NUMA1: variants seen among roughly 807,000 people sequenced by gnomAD.
NUMA1 encodes nuclear mitotic apparatus protein 1.
NUMA1 carries 62 observed loss-of-function variants against 237.1 expected under a neutral mutation model. The ratio of observed to expected loss-of-function variants is 0.26; its 90% CI spans 0.21 to 0.32. The LOEUF is 0.32. NUMA1 is among the 10% of genes least tolerant of loss of function. The pLI is 1.00. For synonymous variants in NUMA1, 1,028 were observed against 1,066.1 expected (o/e 0.96, Z 0.70); for missense variants, 2,533 against 2,666.5 (o/e 0.95, Z 1.10).
chr11:72,010,952 C>A, intron 16 of NUMA1, 98 bp from the exon 17 acceptor site: 1 of 1,051,876 alleles, frequency 9.5e-7, no homozygotes, highest in South Asian at 1.3e-5. Context: ...ACCAGGATCC[C>A]CAGTGTTCCT....
chr11:72,061,695 T>C (rs866201329), intron 2 of NUMA1, among the ~76,000 whole-genome samples: 2 of 152,154 alleles, frequency 1.3e-5, no homozygotes, highest in Middle Eastern at 6.8e-3. Flanking sequence ...CTTGTCATGT[T>C]GCCTAAGCTC....
intron 16 of NUMA1, 61 bp downstream of exon 16, chr11:72,012,340 C>T: frequency 1.3e-6 from 2 of 1,530,186 alleles, no homozygotes; most frequent in Non-Finnish European, 1.8e-6. Context: ...CAGCCGGGCT[C>T]ATGCACCAAG....
intron 2 of NUMA1, among the ~76,000 whole-genome samples, chr11:72,051,139 T>C (rs904894628): frequency 6.6e-6 from 1 of 152,198 alleles, no homozygotes; most frequent in African/African-American, 2.4e-5. Flanking sequence ...TCTGCCTGCA[T>C]TGACCTCCCA....
In NUMA1 at chr11:72,026,454, A is replaced by T. The variant is rs1427530457; in HGVS notation, c.129-2101T>A. Among the ~76,000 whole-genome samples, 38 of 152,254 alleles carry T rather than the reference A, an allele frequency of 2.5e-4. 2 individuals carry two copies. Among genetic ancestry groups the T allele is most frequent in the Admixed American group, 2.5e-3 (38 of 15,292 alleles). ...GTCAGACCTCTAAGTTTTCTGGCAA[A>T]ATGCCTCCACTATACTCTGTTATTC... On this transcript the variant is annotated intron_variant, in intron 4 of 26. Coordinates refer to ENST00000393695, the MANE Select transcript of NUMA1 (RefSeq NM_006185.4).
chr11:72,071,747 A>G (rs1306768275), intron 1 of NUMA1, among the ~76,000 whole-genome samples: 1 of 152,246 alleles, frequency 6.6e-6, no homozygotes, highest in Non-Finnish European at 1.5e-5. Context: ...ACAGTCAAAA[A>G]GATTCAGAAA....
At chr11:72,012,812 T>G (rs1474069415) in intron 15 of NUMA1, 83 bp downstream of exon 15, 1 of 1,537,134 alleles carries the variant, frequency 6.5e-7, no homozygotes, top group Non-Finnish European at 8.8e-7. Flanking sequence ...GTGTAGGAGC[T>G]AGAGGCCCTG....
intron 2 of NUMA1, among the ~76,000 whole-genome samples, chr11:72,069,543 C>T (rs990962881): frequency 1.3e-5 from 2 of 152,152 alleles, no homozygotes; most frequent in South Asian, 4.1e-4. Context: ...AAAACCAGGA[C>T]TTCTCTGCAG....
In NUMA1 at chr11:72,007,312, A is replaced by G; in HGVS notation, c.5340T>C (p.Ala1780=). The stretch of plus-strand genomic sequence containing the variant: ...TGCTCTCCAGGGGGGCCTGACTCCG[A>G]GCAGGGATGGGAGTGAAGTAGAGAC... ...LESLYFTPIP[A]RSQAPLESSL... Residue 1780 remains alanine, a synonymous_variant, in exon 21 of 27, where the codon GCT becomes GCC. Transcript: ENST00000393695. 6.2e-7 allele frequency: 1 copy of G among 1,613,460 alleles called. No individual in the cohort carries two copies. Among genetic ancestry groups the G allele is most frequent in the Non-Finnish European group, 8.5e-7 (1 of 1,179,772 alleles).
In NUMA1 at chr11:72,013,371, C is replaced by T. The variant is rs1429266454; in HGVS notation, c.4132G>A (p.Glu1378Lys). 2.5e-6 allele frequency: 4 copies of T among 1,610,544 alleles called. No homozygotes were observed. The highest frequency in any genetic ancestry group is 2.2e-5 in the East Asian group (1 of 44,874). Reference sequence around the variant, plus strand: ...TCCAGCTCCTCACGGTGGCGTTTCTCGGCAGCGGCCTGCTCGGCCTGCAGC... The same window carrying T: ...TCCAGCTCCTCACGGTGGCGTTTCTTGGCAGCGGCCTGCTCGGCCTGCAGC... ...QQLQAEQAAA[E>K]KRHREELEQS... The change falls in exon 15 of 27, where the codon GAG becomes AAG. Residue 1378 changes from glutamate (E) to lysine (K), a missense_variant. Glu to Lys is a moderately conservative substitution (Grantham distance 56). This residue lies in a region of NUMA1 where 324 missense variants were observed against 407.6 expected (regional missense o/e 0.79). Transcript: ENST00000393695. This position sits in a 1 kb window ranked among gnomAD's most constrained non-coding sequence, Gnocchi z 6.8.
intron 2 of NUMA1, among the ~76,000 whole-genome samples, chr11:72,061,325 C>T (rs1196101364): frequency 6.6e-6 from 1 of 152,084 alleles, no homozygotes; most frequent in East Asian, 1.9e-4. Flanking sequence ...CAGTGTGTGG[C>T]TCATTTTCAA....
At chr11:72,054,673 C>G (rs1942541753) in intron 2 of NUMA1, among the ~76,000 whole-genome samples, 1 of 152,172 alleles carries the variant, frequency 6.6e-6, no homozygotes, top group Non-Finnish European at 1.5e-5. Context: ...CTGTCCCACT[C>G]CAAGCCCAAA....
At chr11:72,067,102 G>A (rs930897937) in intron 2 of NUMA1, 1 of 152,224 alleles carries the variant, frequency 6.6e-6, no homozygotes, top group Non-Finnish European at 1.5e-5. Flanking sequence ...AGATTAAGAG[G>A]TGTGGATTCT....
intron 2 of NUMA1, among the ~76,000 whole-genome samples, chr11:72,038,842 G>A (rs1941347842): frequency 6.6e-6 from 1 of 151,936 alleles, no homozygotes; most frequent in Non-Finnish European, 1.5e-5. Context: ...CCCTCTGAGG[G>A]CACCTTTGGA....
rs1005962735 is a variant in NUMA1 at position 72,003,306 on chromosome 11, G to A, written c.*221C>T. ...AAAAAGGAGGCAAGGTAGGGAGAGC[G>A]CCCACACTGTCCATGCTCCAGGCCC... On this transcript the variant is annotated 3_prime_UTR_variant, in exon 27 of 27. Transcript: ENST00000393695. The A allele has an allele frequency of 3.6e-5, 21 of 585,256 alleles. No homozygotes were observed. The highest frequency in any genetic ancestry group is 2.4e-4 in the South Asian group (11 of 45,902). The allele number at this position is 585,256 out of a possible 1,614,324, so 36.3% of individuals were successfully genotyped here.
rs2135056831 is a variant in NUMA1, at chr11:72,016,075, G to A, written c.1428C>T (p.Ser476=). 5 of 1,614,152 alleles carry A rather than the reference G, an allele frequency of 3.1e-6. No homozygotes were observed. The highest frequency in any genetic ancestry group is 3.3e-4 in the Middle Eastern group (2 of 6,062). Residue 476 remains serine (S), a synonymous_variant, in exon 15 of 27, where the codon TCC becomes TCT. Coordinates refer to ENST00000393695, the MANE Select transcript of NUMA1 (RefSeq NM_006185.4). ...GCTCTTCCTTGGCCTGGCTGAGGTT[G>A]GAGATGGAGCTCTGCAGGTCAGTGA... ...SLITDLQSSI[S]NLSQAKEELE... is the part of the protein sequence containing the mutation.
At chr11:72,004,899 T>C in intron 23 of NUMA1, 83 bp from the exon 24 acceptor site, 2 of 1,328,708 alleles carry the variant, frequency 1.5e-6, no homozygotes, top group Non-Finnish European at 2.0e-6. Flanking sequence ...AACTCTACAC[T>C]CGCCCGACAC....
At chr11:72,028,358 A>G (rs1425757509) in intron 4 of NUMA1, among the ~76,000 whole-genome samples, 1 of 151,082 alleles carries the variant, frequency 6.6e-6, no homozygotes. Flanking sequence ...AGTCCCTGAT[A>G]CCAGTTCCTA....
At chr11:72,055,650 T>C (rs1437241903) in intron 2 of NUMA1, among the ~76,000 whole-genome samples, 1 of 152,148 alleles carries the variant, frequency 6.6e-6, no homozygotes, top group East Asian at 1.9e-4. Context: ...GTAAACTTTG[T>C]GTACTTTTCT....
At chr11:72,045,048 G>C (rs1470789860) in intron 2 of NUMA1, among the ~76,000 whole-genome samples, 1 of 152,086 alleles carries the variant, frequency 6.6e-6, no homozygotes, top group Admixed American at 6.6e-5. Flanking sequence ...ATGTGTATAT[G>C]CATGAAAATC....
Sources: gnomAD v4.1 joint callset for allele counts (sites outside exome capture counted in the v4.1 genomes callset) on GRCh38, gnomAD v4.1.1 for gene constraint, gnomAD v4.1.1 regional missense constraint, Gnocchi (gnomAD v3.1) non-coding constraint, MANE v1.5 for transcripts, NCBI Gene and HGNC (gene_info 2026-07-23, HGNC 2026-07-21) for gene names.